The following COBL variants were observed in gnomAD, a reference collection of about 807,000 sequenced individuals.
The protein encoded by COBL is protein cordon-bleu.
In COBL, 51 loss-of-function variants were observed where a neutral mutation model predicts 98.8. That is an observed-to-expected ratio of 0.52 (90% CI 0.41 to 0.65). The LOEUF is 0.65. Among genes scored for constraint, COBL ranks in the 30% least tolerant of loss-of-function variants. COBL has a pLI of 0.00. For missense variants in COBL, 1,617 were observed against 1,617.5 expected, an observed-to-expected ratio of 1.00 and a Z score of 0.01; for synonymous variants, 634 against 651.7, an observed-to-expected ratio of 0.97 and a Z score of 0.41.
chr7:51,050,074 C>G (rs1294404500), intron 7 of COBL, among the ~76,000 whole-genome samples: 2 of 152,184 alleles, frequency 1.3e-5, no homozygotes, highest in East Asian at 3.8e-4. Context: ...TAGACCTGGG[C>G]TCCTCAAAGA....
chr7:51,311,231 T>A (rs1359150881), intron 1 of COBL, among the ~76,000 whole-genome samples: 1 of 152,188 alleles, frequency 6.6e-6, no homozygotes, highest in Non-Finnish European at 1.5e-5. Context: ...TAGAAGACAA[T>A]GCCCTGGCAG....
At chr7:51,294,254 G>A (rs997958924) in intron 1 of COBL, among the ~76,000 whole-genome samples, 17 of 151,328 alleles carry the variant, frequency 1.1e-4, no homozygotes, top group Non-Finnish European at 2.1e-4. Context: ...TCATGCCACT[G>A]CACTCCAGCC....
At chr7:51,268,747 T>C (rs934895365) in intron 1 of COBL, among the ~76,000 whole-genome samples, 5 of 151,852 alleles carry the variant, frequency 3.3e-5, no homozygotes, top group Admixed American at 6.6e-5. Context: ...CTGGCCAATA[T>C]GGTGAAACCC....
At chr7:51,287,093 C>T (rs1800435282) in intron 1 of COBL, among the ~76,000 whole-genome samples, 1 of 152,110 alleles carries the variant, frequency 6.6e-6, no homozygotes, top group Non-Finnish European at 1.5e-5. Context: ...GAACAACAGA[C>T]ACTGGCGATG....
chr7:51,286,904 T>C (rs534019660), intron 1 of COBL, among the ~76,000 whole-genome samples: 1 of 152,308 alleles, frequency 6.6e-6, no homozygotes, highest in African/African-American at 2.4e-5. Flanking sequence ...ATGGTACATA[T>C]ACACCATCGA....
At chr7:51,229,951 G>A (rs1290948716) in intron 1 of COBL, among the ~76,000 whole-genome samples, 5 of 152,116 alleles carry the variant, frequency 3.3e-5, no homozygotes, top group Admixed American at 6.5e-5. Context: ...GGAGGGATCT[G>A]GTCATGCCTC....
intron 1 of COBL, among the ~76,000 whole-genome samples, chr7:51,253,612 T>A (rs1796939860): frequency 6.6e-6 from 1 of 152,246 alleles, no homozygotes; most frequent in Non-Finnish European, 1.5e-5. Context: ...CTTGTAGCCC[T>A]TCTTCCACAG....
At chr7:51,133,644 T>C (rs1289861221) in intron 6 of COBL, among the ~76,000 whole-genome samples, 4 of 152,212 alleles carry the variant, frequency 2.6e-5, no homozygotes, top group Admixed American at 2.0e-4. Flanking sequence ...ATGTGTACAA[T>C]CAATCATTCT....
At chr7:51,239,815 C>T (rs1329763457) in intron 1 of COBL, among the ~76,000 whole-genome samples, 1 of 152,104 alleles carries the variant, frequency 6.6e-6, no homozygotes, top group Non-Finnish European at 1.5e-5. Context: ...GCAAATGTGA[C>T]AAATCAAGGC....
At chr7:51,024,285 G>A (rs1787273310) in intron 12 of COBL, among the ~76,000 whole-genome samples, 1 of 151,458 alleles carries the variant, frequency 6.6e-6, no homozygotes, top group African/African-American at 2.4e-5. Context: ...CTCCAACCTG[G>A]GCGACAGAGT....
chr7:51,182,337 G>C (rs975666550), intron 5 of COBL, among the ~76,000 whole-genome samples: 1 of 150,612 alleles, frequency 6.6e-6, no homozygotes, highest in Non-Finnish European at 1.5e-5. Context: ...GCTGGAGTGC[G>C]CTAGCATGTT....
chr7:51,074,191 ATTTTT>A (rs369421469), intron 7 of COBL, among the ~76,000 whole-genome samples: 2 of 100,508 alleles, frequency 2.0e-5, no homozygotes, highest in South Asian at 3.6e-4. Flanking sequence ...CAAGGTAATG[ATTTTT>A]TTTTTTTTTT....
rs143839707 is a variant in COBL at position 51,247,968 on chromosome 7, G to A, written c.42-28024C>T. 7.6e-3 allele frequency among the ~76,000 whole-genome samples: 1,149 copies of A among 151,984 alleles called. 15 individuals carry two copies. Among genetic ancestry groups the A allele is most frequent in the African/African-American group, 0.027 (1,111 of 41,434 alleles). ...GCCTGGCCAACATGGTGAAACCCCC[G>A]TCTCTACTAAACATACAAAAGTTAG... is the stretch of plus-strand genomic sequence containing the variant. On this transcript the variant is annotated intron_variant, in intron 1 of 12. Coordinates refer to ENST00000265136, the MANE Select transcript of COBL (RefSeq NM_015198.5).
At chr7:51,153,307 AATT>A (rs1359876661) in intron 5 of COBL, among the ~76,000 whole-genome samples, 11 of 150,920 alleles carry the variant, frequency 7.3e-5, no homozygotes, top group Non-Finnish European at 1.6e-4. Flanking sequence ...GTTACCAATT[AATT>A]ATTACTGATA....
intron 1 of COBL, among the ~76,000 whole-genome samples, chr7:51,281,585 G>C (rs1284827627): frequency 6.6e-6 from 1 of 151,408 alleles, no homozygotes; most frequent in Non-Finnish European, 1.5e-5. Context: ...GAAATAATCT[G>C]AATGACTACA....
At chr7:51,276,387 T>C (rs183546638) in intron 1 of COBL, among the ~76,000 whole-genome samples, 39 of 152,270 alleles carry the variant, frequency 2.6e-4, no homozygotes, top group African/African-American at 9.1e-4. Context: ...TGAGCTTCTA[T>C]GAAAGGAGTC....
intron 1 of COBL, among the ~76,000 whole-genome samples, chr7:51,307,517 A>G (rs1802603799): frequency 6.6e-6 from 1 of 152,226 alleles, no homozygotes; most frequent in African/African-American, 2.4e-5. Context: ...AGTGGCTCTA[A>G]TGCCAAAATA....
intron 6 of COBL, among the ~76,000 whole-genome samples, chr7:51,091,280 TAA>T (rs1794787610): frequency 6.6e-6 from 1 of 152,002 alleles, no homozygotes; most frequent in East Asian, 1.9e-4. Flanking sequence ...GAAAGACAGC[TAA>T]ACAAAATCAG....
Position 51,222,192 on chromosome 7 carries a change from A to AAATAATAAT in COBL, c.42-2257_42-2249dup, listed in dbSNP as rs71018500. Among the ~76,000 whole-genome samples, 201 of 149,978 alleles carry AAATAATAAT rather than the reference A, an allele frequency of 1.3e-3. No homozygotes were observed. In the Middle Eastern group the frequency reaches 0.014, roughly 10 times the overall value. On this transcript the variant is annotated intron_variant, in intron 1 of 12. Coordinates refer to ENST00000265136, the MANE Select transcript of COBL (RefSeq NM_015198.5). ...CAACAAGAGTGAAACTCCGTCTCAA[A>AAATAATAAT]AATAATAATAATAATAATAAAATAA...
Sources: gnomAD v4.1 joint callset for allele counts (sites outside exome capture counted in the v4.1 genomes callset) on GRCh38, gnomAD v4.1.1 for gene constraint, MANE v1.5 for transcripts, NCBI Gene and HGNC (gene_info 2026-07-23, HGNC 2026-07-21) for gene names.